ADCY10: variants seen among roughly 807,000 people sequenced by gnomAD.
ADCY10 encodes adenylate cyclase type 10.
A neutral mutation model predicts 183.3 loss-of-function variants in ADCY10; 156 were observed. The ratio of observed to expected loss-of-function variants is 0.85; its 90% confidence interval spans 0.75 to 0.97. ADCY10 has a LOEUF of 0.97. Ranked by LOEUF, ADCY10 falls within the 50% of genes least tolerant of loss-of-function variation. ADCY10 has a pLI of 0.00. For synonymous variants in ADCY10, 645 were observed against 670.0 expected (o/e 0.96, Z 0.58); for missense variants, 1,745 against 1,934.3 (o/e 0.90, Z 1.84).
At position 167,824,530 on chromosome 1, in the gene ADCY10, T is replaced by C. The variant is rs574701020; in HGVS notation, c.3998A>G (p.Asn1333Ser). Reference protein sequence around the residue: ...LQMWALLQNPNRHYQSLCRLS... With the variant: ...LQMWALLQNPSRHYQSLCRLS... ...TCTGCAGAGGGACTGATAATGTCGG[T>C]TGGGATTCTGGAGCAGTGCCCACAT... The change falls in exon 28 of 33, where the codon AAC becomes AGC. Residue 1333 changes from asparagine to serine, a missense_variant. Asn to Ser is a conservative substitution (Grantham distance 46). Transcript: ENST00000367851. 19 of 1,614,184 alleles carry C rather than the reference T, an allele frequency of 1.2e-5. No individual in the cohort carries two copies. The East Asian group carries it at 4.0e-4, about 34-fold the overall frequency.
At chr1:167,817,291 G>T (rs531890726) in intron 31 of ADCY10, among the ~76,000 whole-genome samples, 2 of 152,224 alleles carry the variant, frequency 1.3e-5, no homozygotes, top group Non-Finnish European at 2.9e-5. Flanking sequence ...TTTGAACCCG[G>T]GAGGCGGAGG....
intron 5 of ADCY10, 25 bp downstream of exon 5, chr1:167,901,637 G>A: frequency 1.2e-6 from 2 of 1,612,430 alleles, no homozygotes; most frequent in Non-Finnish European, 1.7e-6. Flanking sequence ...GCTGCCGTAG[G>A]ATTTATTCCT....
intron 19 of ADCY10, 121 bp downstream of exon 19, chr1:167,848,239 CG>C (rs1463177264): frequency 8.2e-6 from 6 of 728,810 alleles, no homozygotes; most frequent in African/African-American, 3.5e-5. Context: ...TTAGTAGATA[CG>C]GGGTTTCACC....
rs564897812 is a variant in ADCY10, at chr1:167,824,742, T to G, written c.3864A>C (p.Lys1288Asn). Residue 1288 changes from lysine (K) to asparagine (N), a missense_variant, in exon 27 of 33, where the codon AAA (lysine) becomes AAC (asparagine). Coordinates refer to ENST00000367851, the MANE Select transcript of ADCY10 (RefSeq NM_018417.6). Reference protein sequence around the residue: ...AMEHIFNLPLKGEGIEIVAYV... With the variant: ...AMEHIFNLPLNGEGIEIVAYV... ...ATGCCACGATTTCAATGCCCTCGCC[T>G]TTCAGGGGGAGGTTGAAGATGTGCT... 1.6e-4 allele frequency: 255 copies of G among 1,614,216 alleles called. 3 individuals carry two copies. In the South Asian group the frequency reaches 1.9e-3, roughly 12 times the overall value.
chr1:167,849,274 T>G (rs1257772193), intron 18 of ADCY10, among the ~76,000 whole-genome samples: 2 of 152,224 alleles, frequency 1.3e-5, no homozygotes, highest in Non-Finnish European at 2.9e-5. Context: ...CTATCAGAGA[T>G]ATTTTAAATG....
intron 31 of ADCY10, among the ~76,000 whole-genome samples, chr1:167,816,468 C>T (rs1662533488): frequency 6.6e-6 from 1 of 152,096 alleles, no homozygotes; most frequent in South Asian, 2.1e-4. Context: ...ATTGCTTGAA[C>T]CCAGGAGGTG....
intron 21 of ADCY10, among the ~76,000 whole-genome samples, chr1:167,845,300 C>G (rs530557087): frequency 3.9e-5 from 6 of 152,302 alleles, no homozygotes; most frequent in African/African-American, 1.2e-4. Flanking sequence ...AGTTTGAGTT[C>G]TGGTCACATC....
chr1:167,856,088 C>A, intron 17 of ADCY10, 77 bp downstream of exon 17: 1 of 1,529,264 alleles, frequency 6.5e-7, no homozygotes, highest in Admixed American at 1.7e-5. Flanking sequence ...AAGACACATA[C>A]TAAGAAATCT....
At chr1:167,853,386 G>A (rs1665641776) in intron 18 of ADCY10, among the ~76,000 whole-genome samples, 1 of 152,084 alleles carries the variant, frequency 6.6e-6, no homozygotes, top group African/African-American at 2.4e-5. Context: ...AGTCAGACCA[G>A]CTAGGGACCT....
At chr1:167,852,962 C>A (rs1571307095) in intron 18 of ADCY10, among the ~76,000 whole-genome samples, 1 of 152,146 alleles carries the variant, frequency 6.6e-6, no homozygotes, top group African/African-American at 2.4e-5. Flanking sequence ...TTCATTCACC[C>A]AGGAGGCAGG....
At chr1:167,854,125 A>G (rs1571310307) in intron 18 of ADCY10, among the ~76,000 whole-genome samples, 1 of 152,100 alleles carries the variant, frequency 6.6e-6, no homozygotes, top group Non-Finnish European at 1.5e-5. Flanking sequence ...GGCGTGAGCC[A>G]CCGCGCCCGG....
At position 167,829,391 on chromosome 1, in the gene ADCY10, G is replaced by A. The variant is rs746288180; in HGVS notation, c.3626C>T (p.Thr1209Ile). ...GCGCCACAGCAAGGAAAGGCAGACAGTTTGCCGGTAAAGTTGTGCCAGCCT... is the reference window on the plus strand; with the variant it reads ...GCGCCACAGCAAGGAAAGGCAGACAATTTGCCGGTAAAGTTGTGCCAGCCT... ...KKRLAQLYRQ[T>I]VCLSLLWRIY... Residue 1209 changes from threonine (T) to isoleucine (I), a missense_variant, in exon 26 of 33, where the codon ACT becomes ATT. Transcript: ENST00000367851. 43 of 1,614,048 alleles carry A rather than the reference G, an allele frequency of 2.7e-5. No individual in the cohort carries two copies. The highest frequency in any genetic ancestry group is 3.4e-5 in the Non-Finnish European group (40 of 1,179,998).
Position 167,829,247 on chromosome 1 carries a change from C to A in ADCY10, c.3750+20G>T. 6.2e-7 allele frequency: 1 copy of A among 1,613,636 alleles called. No individual in the cohort carries two copies. The highest frequency in any genetic ancestry group is 8.5e-7 in the Non-Finnish European group (1 of 1,179,732). Reference sequence around the variant, plus strand: ...AATGAAATTCAGAAACTTAAAGGAGCAGCTACAAAAATCCCCTACCTGGAA... The same window carrying A: ...AATGAAATTCAGAAACTTAAAGGAGAAGCTACAAAAATCCCCTACCTGGAA... On this transcript the variant is annotated intron_variant, in intron 26 of 32. Transcript: ENST00000367851.
intron 16 of ADCY10, among the ~76,000 whole-genome samples, chr1:167,857,995 C>T (rs1478804968): frequency 6.6e-6 from 1 of 152,164 alleles, no homozygotes; most frequent in Non-Finnish European, 1.5e-5. Flanking sequence ...AAAGGAGCTT[C>T]TTGTAAATAC....
intron 26 of ADCY10, 47 bp downstream of exon 26, chr1:167,829,220 C>T: frequency 6.2e-7 from 1 of 1,610,916 alleles, no homozygotes. Flanking sequence ...CTTTTCTTCC[C>T]AAATGAAATT....
At chr1:167,899,288 G>C in intron 6 of ADCY10, 135 bp downstream of exon 6, 1 of 865,332 alleles carries the variant, frequency 1.2e-6, no homozygotes, top group Non-Finnish European at 1.9e-6. Context: ...AGCCTCTGTA[G>C]CCTAACCCAG....
At chr1:167,851,716 C>G (rs185435907) in intron 18 of ADCY10, among the ~76,000 whole-genome samples, 1 of 151,476 alleles carries the variant, frequency 6.6e-6, no homozygotes, top group South Asian at 2.1e-4. Flanking sequence ...CCCAGATACT[C>G]GGGAGGCTGA....
At chr1:167,851,167 T>C (rs575117107) in intron 18 of ADCY10, among the ~76,000 whole-genome samples, 1 of 152,148 alleles carries the variant, frequency 6.6e-6, no homozygotes, top group South Asian at 2.1e-4. Context: ...CTAAAAATAT[T>C]GACACTCTTT....
chr1:167,861,363 A>G (rs1189416514), intron 14 of ADCY10, among the ~76,000 whole-genome samples: 1 of 152,192 alleles, frequency 6.6e-6, no homozygotes, highest in Non-Finnish European at 1.5e-5. Flanking sequence ...GGGAGCTCCC[A>G]TTGCCTAACG....
Sources: allele counts gnomAD v4.1 joint callset (sites outside exome capture counted in the v4.1 genomes callset), GRCh38; gene constraint gnomAD v4.1.1; transcripts MANE v1.5; gene names NCBI Gene and HGNC (gene_info 2026-07-23, HGNC 2026-07-21).